The following AGBL4 variants were observed in gnomAD, a reference collection of about 807,000 sequenced individuals.
AGBL4 encodes cytosolic carboxypeptidase 6.
AGBL4 carries 58 observed loss-of-function variants against 66.4 expected under a neutral mutation model. That is an observed-to-expected ratio of 0.87 (90% CI 0.71 to 1.09). The LOEUF (loss-of-function observed/expected upper bound fraction) is 1.09. Among genes scored for constraint, AGBL4 ranks in the 50% least tolerant of loss-of-function variants. The pLI, the probability that AGBL4 is intolerant of heterozygous loss-of-function variation, is 0.00. For synonymous variants in AGBL4, 234 were observed against 222.9 expected, an observed-to-expected ratio of 1.05 and a Z score of -0.44; for missense variants, 579 against 631.0, an observed-to-expected ratio of 0.92 and a Z score of 0.88.
intron 2 of AGBL4, chr1:49,845,147 G>A: frequency 7.2e-7 from 1 of 1,396,562 alleles, no homozygotes. Context: ...ACGCATACAG[G>A]ACAGAGACCT....
intron 6 of AGBL4, among the ~76,000 whole-genome samples, chr1:48,686,912 G>A (rs763792919): frequency 5.3e-5 from 8 of 152,204 alleles, no homozygotes; most frequent in Non-Finnish European, 1.0e-4. Flanking sequence ...ATTGGGGGTC[G>A]CCCTTTGCCT....
chr1:49,905,681 A>G (rs945202091), intron 1 of AGBL4, among the ~76,000 whole-genome samples: 3 of 152,152 alleles, frequency 2.0e-5, no homozygotes, highest in Non-Finnish European at 2.9e-5. Context: ...AAGTTAAAGG[A>G]TGTATCCCCA....
chr1:48,595,283 T>A (rs1239251764), intron 9 of AGBL4, among the ~76,000 whole-genome samples: 1 of 152,214 alleles, frequency 6.6e-6, no homozygotes, highest in Non-Finnish European at 1.5e-5. Flanking sequence ...TATTGCTGAT[T>A]TTTTTCAATC....
chr1:48,534,037 C>T lies in AGBL4; in HGVS notation c.*136G>A, dbSNP rs753500526. ...AGGGAAAATCAGTGATGAAGTTTCT[C>T]ATTGTATCCCTTCCCTTTCACTAGC... On this transcript the variant is annotated 3_prime_UTR_variant, in exon 14 of 14. Transcript: ENST00000371839. 7.4e-6 allele frequency: 10 copies of T among 1,357,798 alleles called. No homozygotes were observed. Among genetic ancestry groups the T allele is most frequent in the African/African-American group, 1.5e-5 (1 of 68,844 alleles). 84.1% of individuals were successfully genotyped at this position (1,357,798 alleles called of 1,614,324 possible). A position where few individuals can be genotyped will look rare whatever the true frequency, so the allele number is the denominator to read the frequency against.
chr1:49,655,792 T>C (rs1398441988), intron 3 of AGBL4, among the ~76,000 whole-genome samples: 4 of 152,032 alleles, frequency 2.6e-5, no homozygotes, highest in Admixed American at 6.6e-5. Context: ...TCAACAAAAT[T>C]GATAGACTGC....
intron 3 of AGBL4, among the ~76,000 whole-genome samples, chr1:49,390,261 A>G (rs1012344438): frequency 6.6e-6 from 1 of 152,230 alleles, no homozygotes; most frequent in African/African-American, 2.4e-5. Context: ...CTATGCTGTT[A>G]AAACTTGAAA....
intron 4 of AGBL4, among the ~76,000 whole-genome samples, chr1:49,072,737 G>A (rs1252143594): frequency 6.6e-6 from 1 of 152,050 alleles, no homozygotes; most frequent in African/African-American, 2.4e-5. Flanking sequence ...TGCTCTTCTC[G>A]AGGAATATCT....
intron 2 of AGBL4, chr1:49,844,850 G>A: frequency 1.5e-5 from 22 of 1,504,542 alleles, no homozygotes; most frequent in Non-Finnish European, 2.0e-5. Flanking sequence ...AGTTGTGAGA[G>A]CCTAGAGAGC....
At chr1:48,900,765 C>A (rs184857969) in intron 5 of AGBL4, among the ~76,000 whole-genome samples, 1 of 152,262 alleles carries the variant, frequency 6.6e-6, no homozygotes, top group African/African-American at 2.4e-5. Context: ...AATGTAAAAC[C>A]TGAAACTCTA....
At chr1:48,578,749 C>CTTCA (rs796963870) in intron 11 of AGBL4, among the ~76,000 whole-genome samples, 58 of 152,280 alleles carry the variant, frequency 3.8e-4, no homozygotes, top group African/African-American at 8.2e-4. Context: ...CCTGCTTCCA[C>CTTCA]TTCATTCATT....
intron 3 of AGBL4, among the ~76,000 whole-genome samples, chr1:49,276,320 T>C (rs765439534): frequency 6.6e-6 from 1 of 152,174 alleles, no homozygotes; most frequent in African/African-American, 2.4e-5. Flanking sequence ...TATCTGTACC[T>C]AACAATCTCT....
chr1:49,752,826 C>T (rs75910841), intron 2 of AGBL4, among the ~76,000 whole-genome samples: 2 of 152,090 alleles, frequency 1.3e-5, no homozygotes, highest in South Asian at 4.1e-4. Context: ...TTATGTAATG[C>T]CCTTCTTTGT....
chr1:49,783,382 A>ATATACCACAGTATAAAATACCC (rs1553122331), intron 2 of AGBL4, among the ~76,000 whole-genome samples: 1 of 152,200 alleles, frequency 6.6e-6, no homozygotes, highest in Non-Finnish European at 1.5e-5. Flanking sequence ...AAATAAATTA[A>ATATACCACAGTATAAAATACCC]TATACCACAG....
chr1:49,445,998 C>A (rs774170876), intron 3 of AGBL4, among the ~76,000 whole-genome samples: 2 of 152,002 alleles, frequency 1.3e-5, no homozygotes, highest in South Asian at 2.1e-4. Flanking sequence ...AATACAGATG[C>A]CTGCCACCAT....
chr1:49,626,590 T>C (rs934253676), intron 3 of AGBL4, among the ~76,000 whole-genome samples: 5 of 152,132 alleles, frequency 3.3e-5, no homozygotes, highest in Admixed American at 6.6e-5. Context: ...CATGTGGTCA[T>C]CATTATAGTT....
At chr1:49,887,373 TG>T (rs1236182571) in intron 1 of AGBL4, among the ~76,000 whole-genome samples, 2 of 151,698 alleles carry the variant, frequency 1.3e-5, no homozygotes, top group African/African-American at 4.8e-5. Context: ...TGATACAAAC[TG>T]AGTCTTCAGT....
chr1:49,677,612 A>G (rs573815437), intron 3 of AGBL4, among the ~76,000 whole-genome samples: 3 of 152,228 alleles, frequency 2.0e-5, no homozygotes, highest in Admixed American at 2.0e-4. Flanking sequence ...TCATAAAATA[A>G]GGTGGAAAGT....
intron 3 of AGBL4, among the ~76,000 whole-genome samples, chr1:49,289,636 T>C (rs966882380): frequency 2.0e-5 from 3 of 152,148 alleles, no homozygotes; most frequent in Non-Finnish European, 2.9e-5. Context: ...AAAATACTTA[T>C]TAAATAAGTA....
intron 5 of AGBL4, among the ~76,000 whole-genome samples, chr1:49,002,694 C>CAAAA (rs1295427102): frequency 2.6e-5 from 4 of 152,120 alleles, no homozygotes; most frequent in Admixed American, 6.5e-5. Flanking sequence ...TCCTTAAGAG[C>CAAAA]AAAAGGATTA....
Sources: gnomAD v4.1 joint callset for allele counts (sites outside exome capture counted in the v4.1 genomes callset) on GRCh38, gnomAD v4.1.1 for gene constraint, MANE v1.5 for transcripts, NCBI Gene and HGNC (gene_info 2026-07-23, HGNC 2026-07-21) for gene names.